Variants in ABLIM1 observed in about 807,000 individuals in gnomAD.
ABLIM1 encodes actin binding LIM protein 1.
A neutral mutation model predicts 107.0 loss-of-function variants in ABLIM1; 40 were observed. The observed-to-expected ratio is 0.37, with a 90% CI of 0.29 to 0.49. ABLIM1 has a LOEUF of 0.49. Ranked by LOEUF, ABLIM1 falls within the 20% of genes least tolerant of loss-of-function variation. The pLI is 0.97. For synonymous variants in ABLIM1, 357 were observed against 357.3 expected, an observed-to-expected ratio of 1.00 and a Z score of 0.01; for missense variants, 857 against 1,008.5, an observed-to-expected ratio of 0.85 and a Z score of 2.04.
intron 1 of ABLIM1, among the ~76,000 whole-genome samples, chr10:114,603,823 C>T (rs538996308): frequency 3.3e-5 from 5 of 151,606 alleles, no homozygotes; most frequent in Non-Finnish European, 5.9e-5. Flanking sequence ...CGTGGTGGCA[C>T]GTGCCTGTAA....
At chr10:114,556,454 C>T (rs1373619259) in intron 4 of ABLIM1, among the ~76,000 whole-genome samples, 1 of 152,196 alleles carries the variant, frequency 6.6e-6, no homozygotes, top group Non-Finnish European at 1.5e-5. Context: ...ATAAGTGTGT[C>T]AGTTGCCACC....
intron 1 of ABLIM1, among the ~76,000 whole-genome samples, chr10:114,674,017 T>A (rs1202241295): frequency 6.6e-6 from 1 of 152,122 alleles, no homozygotes. Flanking sequence ...GGTCCCAGTG[T>A]GGTGGCTCAT....
At chr10:114,468,421 CCG>C (rs1491357383) in intron 10 of ABLIM1, among the ~76,000 whole-genome samples, 5 of 830 alleles carry the variant, frequency 6.0e-3, no homozygotes, top group Non-Finnish European at 0.011. Flanking sequence ...ACTACAGGCG[CCG>C]CCACCACCCC....
At chr10:114,479,296 G>C (rs141608984) in intron 8 of ABLIM1, among the ~76,000 whole-genome samples, 1 of 152,318 alleles carries the variant, frequency 6.6e-6, no homozygotes, top group East Asian at 1.9e-4. Context: ...TAATGCCTCT[G>C]TTTTGCTCTT....
At chr10:114,699,497 C>G (rs1591843623) in intron 1 of ABLIM1, among the ~76,000 whole-genome samples, 1 of 152,050 alleles carries the variant, frequency 6.6e-6, no homozygotes, top group Non-Finnish European at 1.5e-5. Context: ...TGTCTTCTGA[C>G]AGCAGTCAGA....
intron 21 of ABLIM1, among the ~76,000 whole-genome samples, 188 bp from the exon 22 acceptor site, chr10:114,438,112 T>C (rs1001903481): frequency 2.0e-5 from 3 of 152,150 alleles, no homozygotes; most frequent in Non-Finnish European, 4.4e-5. Context: ...GACAGAATCT[T>C]AGACATTCTC....
chr10:114,543,051 C>T (rs189048539), intron 6 of ABLIM1, among the ~76,000 whole-genome samples: 100 of 152,252 alleles, frequency 6.6e-4, no homozygotes, highest in African/African-American at 2.4e-3. Context: ...TTCTCAGGCT[C>T]CACTCCAGCT....
intron 14 of ABLIM1, among the ~76,000 whole-genome samples, chr10:114,449,866 T>G (rs2061576360): frequency 6.6e-6 from 1 of 152,216 alleles, no homozygotes; most frequent in Admixed American, 6.5e-5. Context: ...AAACATCCTT[T>G]GGAAAGCGCT....
intron 8 of ABLIM1, chr10:114,485,507 G>T: frequency 1.2e-6 from 1 of 805,648 alleles, no homozygotes; most frequent in Non-Finnish European, 1.9e-6. Flanking sequence ...TAAACATCAA[G>T]TGGGATTCTT....
intron 1 of ABLIM1, among the ~76,000 whole-genome samples, chr10:114,741,218 T>TC (rs1272890117): frequency 3.8e-4 from 40 of 104,832 alleles, no homozygotes; most frequent in African/African-American, 1.4e-3. Flanking sequence ...CTATTCTTCT[T>TC]TTTTTTTTTT....
intron 6 of ABLIM1, among the ~76,000 whole-genome samples, chr10:114,544,196 C>A (rs776993230): frequency 7.9e-5 from 12 of 152,216 alleles, no homozygotes; most frequent in Non-Finnish European, 1.5e-4. Context: ...CACCTGTAGT[C>A]ATCCCCCTAG....
the ABLIM1 span, among the ~76,000 whole-genome samples, chr10:114,786,947 T>C: frequency 1.3e-4 from 18 of 143,660 alleles, no homozygotes; most frequent in African/African-American, 3.1e-4. Context: ...CGTCTCTGCC[T>C]GGCCGCCCAT....
upstream of ABLIM1, among the ~76,000 whole-genome samples, chr10:114,662,590 G>C (rs761743638): frequency 6.6e-6 from 1 of 152,100 alleles, no homozygotes; most frequent in Non-Finnish European, 1.5e-5. Context: ...CATATGCTCC[G>C]GTCTGGGCAG....
intron 8 of ABLIM1, among the ~76,000 whole-genome samples, chr10:114,483,279 G>T (rs61001282): frequency 0.025 from 3,709 of 151,078 alleles, 162 homozygotes; most frequent in African/African-American, 0.086. Flanking sequence ...TCCATTTTTG[G>T]TTTTTTTTTG....
chr10:114,717,698 T>C (rs896672567), intron 1 of ABLIM1, among the ~76,000 whole-genome samples: 2 of 152,066 alleles, frequency 1.3e-5, no homozygotes, highest in African/African-American at 4.8e-5. Context: ...GTGGATCACG[T>C]GAGCCCAGGA....
chr10:114,593,954 C>G (rs1365218947), intron 2 of ABLIM1, among the ~76,000 whole-genome samples: 3 of 152,184 alleles, frequency 2.0e-5, no homozygotes, highest in African/African-American at 7.2e-5. Flanking sequence ...CTTTACTAAA[C>G]AAAGACAGTA....
chr10:114,559,633 C>T (rs2069370135), intron 4 of ABLIM1, among the ~76,000 whole-genome samples: 1 of 152,110 alleles, frequency 6.6e-6, no homozygotes, highest in Non-Finnish European at 1.5e-5. Flanking sequence ...TCCCTGTGGG[C>T]TTAGAGCAGT....
intron 8 of ABLIM1, among the ~76,000 whole-genome samples, chr10:114,486,026 C>A (rs1165176446): frequency 6.6e-6 from 1 of 152,196 alleles, no homozygotes; most frequent in Non-Finnish European, 1.5e-5. Context: ...CTGTCCTGAC[C>A]TCCCACGTAG....
At chr10:114,449,105 A>T (rs920076100) in intron 14 of ABLIM1, among the ~76,000 whole-genome samples, 5 of 152,208 alleles carry the variant, frequency 3.3e-5, no homozygotes, top group African/African-American at 1.2e-4. Context: ...CAAAAGCCAA[A>T]CTAGCAGCAA....
Sources: allele counts gnomAD v4.1 joint callset (sites outside exome capture counted in the v4.1 genomes callset), GRCh38; gene constraint gnomAD v4.1.1; transcripts MANE v1.5; gene names NCBI Gene and HGNC (gene_info 2026-07-23, HGNC 2026-07-21).